Variants in EEF1AKMT2 observed in about 807,000 individuals in gnomAD.
The protein encoded by EEF1AKMT2 is EEF1A lysine methyltransferase 2, also known as eukaryotic translation elongation factor 1 alpha lysine methyltransferase 2.
In EEF1AKMT2, 32 loss-of-function variants were observed where a neutral mutation model predicts 35.8. The observed-to-expected ratio is 0.89, with a 90% CI of 0.67 to 1.20. EEF1AKMT2 has a LOEUF of 1.20. EEF1AKMT2 is among the 50% of genes most tolerant of loss of function. The pLI is 0.00. For missense variants in EEF1AKMT2, 330 were observed against 347.5 expected (o/e 0.95, Z 0.40); for synonymous variants, 121 against 133.7 (o/e 0.91, Z 0.65).
intron 3 of EEF1AKMT2, among the ~76,000 whole-genome samples, chr10:124,785,360 C>T (rs1950576043): frequency 6.7e-6 from 1 of 149,042 alleles, no homozygotes; most frequent in South Asian, 2.1e-4. Context: ...TTTAATACTA[C>T]AACAAAAGCA....
At chr10:124,791,597 C>T in intron 1 of EEF1AKMT2, 127 bp downstream of exon 1, 1 of 1,368,044 alleles carries the variant, frequency 7.3e-7, no homozygotes, top group East Asian at 2.5e-5. Context: ...CGCCAGGTGG[C>T]CCTGCTCCCG....
At chr10:124,780,193 A>C (rs1950528457) in intron 3 of EEF1AKMT2, among the ~76,000 whole-genome samples, 1 of 152,210 alleles carries the variant, frequency 6.6e-6, no homozygotes, top group African/African-American at 2.4e-5. Context: ...CAAATGAATA[A>C]ATGTGGCTGT....
intron 4 of EEF1AKMT2, among the ~76,000 whole-genome samples, chr10:124,773,648 A>G (rs1950458958): frequency 6.6e-6 from 1 of 152,214 alleles, no homozygotes; most frequent in African/African-American, 2.4e-5. Flanking sequence ...CAGACAGAAC[A>G]TACATTTATC....
chr10:124,769,946 C>CAAAAA lies in EEF1AKMT2; in HGVS notation c.400-4343_400-4339dup, dbSNP rs71484588. Among the ~76,000 whole-genome samples the CAAAAA allele has an allele frequency of 1.8e-3, 110 of 60,002 alleles. 2 individuals are homozygous for CAAAAA. Among genetic ancestry groups the CAAAAA allele is most frequent in the East Asian group, 2.6e-3 (5 of 1,914 alleles). 39.4% of individuals were successfully genotyped at this position (60,002 alleles called of 152,430 possible). On this transcript the variant is annotated intron_variant, in intron 4 of 6. Transcript: ENST00000368836. Reference sequence around the variant, plus strand: ...GGGCAACAAGAGCGAAACTCCATCTCAAAAAAAAAAAAAAAAAAAAAAAAA... The same window carrying CAAAAA: ...GGGCAACAAGAGCGAAACTCCATCTCAAAAAAAAAAAAAAAAAAAAAAAAAAAAAA...
In EEF1AKMT2 at chr10:124,774,728, G is replaced by C; in HGVS notation, c.346C>G (p.Gln116Glu). The C allele has an allele frequency of 6.7e-7, 1 of 1,484,844 alleles. No individual in the cohort carries two copies. Among genetic ancestry groups the C allele is most frequent in the Admixed American group, 2.5e-5 (1 of 40,146 alleles). The allele number at this position is 1,484,844 out of a possible 1,614,324, so 92.0% of individuals were successfully genotyped here. ...TTTTCTATAATACTTCCAGAAAGCT[G>C]AATTGCAGAAGGAGAGTAATCAATT... ...TGIDYSPSAI[Q>E]LSGSIIEKEG... Residue 116 changes from glutamine to glutamate, a missense_variant, in exon 4 of 7, where the codon CAG becomes GAG. Gln to Glu is a conservative substitution (Grantham distance 29). Transcript: ENST00000368836.
intron 4 of EEF1AKMT2, among the ~76,000 whole-genome samples, chr10:124,769,248 A>ATATATATATATATATATATATATATGTG (rs60863408): frequency 1.6e-5 from 1 of 63,820 alleles, no homozygotes; most frequent in East Asian, 5.3e-4. Flanking sequence ...ATATATATAT[A>ATATATATATATATATATATATATATGTG]TGTGTGTATA....
chr10:124,769,347 A>G (rs1301159025), intron 4 of EEF1AKMT2, among the ~76,000 whole-genome samples: 1 of 151,322 alleles, frequency 6.6e-6, no homozygotes, highest in Non-Finnish European at 1.5e-5. Context: ...GCAACAGGGT[A>G]AATGGGAGTG....
chr10:124,780,930 G>A (rs954718104), intron 3 of EEF1AKMT2, among the ~76,000 whole-genome samples: 1 of 151,802 alleles, frequency 6.6e-6, no homozygotes, highest in African/African-American at 2.4e-5. Context: ...AGAAAACATG[G>A]AAGTCAAAAA....
rs1326195443 is a variant in EEF1AKMT2 at position 124,772,487 on chromosome 10, T to C, written c.399+2188A>G. Among the ~76,000 whole-genome samples, 8 of 142,192 alleles carry C rather than the reference T, an allele frequency of 5.6e-5. No homozygotes were observed. In the East Asian group the frequency reaches 1.1e-3, roughly 19 times the overall value. 93.3% of individuals were successfully genotyped at this position (142,192 alleles called of 152,430 possible). A position where few individuals can be genotyped will look rare whatever the true frequency, so the allele number is the denominator to read the frequency against. The stretch of plus-strand genomic sequence containing the variant: ...TCTGTTGCCCAGGCTGGAGTGCAGT[T>C]GCGCGATCTTGGCTCACTGCAACCT... On this transcript the variant is annotated intron_variant, in intron 4 of 6. Transcript: ENST00000368836.
intron 5 of EEF1AKMT2, 79 bp from the exon 6 acceptor site, chr10:124,762,637 C>T: frequency 1.3e-6 from 1 of 757,748 alleles, no homozygotes. Flanking sequence ...GTCTATCATA[C>T]TATTTCATTA....
chr10:124,764,525 A>G (rs2134121092), intron 5 of EEF1AKMT2, among the ~76,000 whole-genome samples: 1 of 152,346 alleles, frequency 6.6e-6, no homozygotes, highest in South Asian at 2.1e-4. Context: ...TCCACTAAGT[A>G]GATACTGCAC....
At chr10:124,767,731 A>T (rs1442860434) in intron 4 of EEF1AKMT2, among the ~76,000 whole-genome samples, 1 of 152,104 alleles carries the variant, frequency 6.6e-6, no homozygotes, top group East Asian at 1.9e-4. Flanking sequence ...CACACCTATA[A>T]TCCCAACACT....
intron 3 of EEF1AKMT2, among the ~76,000 whole-genome samples, chr10:124,781,388 G>A (rs1424396218): frequency 6.6e-5 from 10 of 151,636 alleles, no homozygotes; most frequent in Non-Finnish European, 4.4e-5. Flanking sequence ...AGACCAGCCC[G>A]GCCAACATGG....
intron 4 of EEF1AKMT2, among the ~76,000 whole-genome samples, chr10:124,767,381 CAT>C: frequency 6.7e-6 from 1 of 149,790 alleles, no homozygotes; most frequent in East Asian, 2.0e-4. Context: ...GGCGTGGTGG[CAT>C]GTGCCTGTAG....
chr10:124,784,431 G>A (rs917025036), intron 3 of EEF1AKMT2, among the ~76,000 whole-genome samples: 1 of 152,106 alleles, frequency 6.6e-6, no homozygotes, highest in African/African-American at 2.4e-5. Flanking sequence ...CAAGTGAGGT[G>A]TAGAACAATT....
rs561831302 is a variant in EEF1AKMT2 at position 124,758,093 on chromosome 10, A to C, written c.*2410T>G. 6.6e-6 allele frequency: 1 copy of C among 152,326 alleles called. No homozygotes were observed. Among genetic ancestry groups the C allele is most frequent in the Admixed American group, 6.5e-5 (1 of 15,298 alleles). 9.4% of individuals were successfully genotyped at this position (152,326 alleles called of 1,614,324 possible). ...ATAGTGAAAAGCAGCAATTCCGTGAAGGCTCCACAGAGAAATCGCGTTTGC... is the reference window on the plus strand; with the variant it reads ...ATAGTGAAAAGCAGCAATTCCGTGACGGCTCCACAGAGAAATCGCGTTTGC... On this transcript the variant is annotated 3_prime_UTR_variant, in exon 7 of 7. Transcript: ENST00000368836.
At chr10:124,779,938 A>G (rs1439558827) in intron 3 of EEF1AKMT2, among the ~76,000 whole-genome samples, 1 of 149,714 alleles carries the variant, frequency 6.7e-6, no homozygotes, top group African/African-American at 2.5e-5. Flanking sequence ...TGGCGGGCAC[A>G]TGTAGTCCCA....
At chr10:124,772,509 AC>A (rs1203057593) in intron 4 of EEF1AKMT2, among the ~76,000 whole-genome samples, 1 of 135,222 alleles carries the variant, frequency 7.4e-6, no homozygotes, top group African/African-American at 2.8e-5. Context: ...GCTCACTGCA[AC>A]CTCTGCTTCC....
chr10:124,784,595 T>C lies in EEF1AKMT2; in HGVS notation c.291+4448A>G, dbSNP rs541213832. 2.1e-5 allele frequency among the ~76,000 whole-genome samples: 3 copies of C among 141,378 alleles called. No individual in the cohort carries two copies. In the East Asian group the frequency reaches 6.2e-4, roughly 29 times the overall value. 92.7% of individuals were successfully genotyped at this position (141,378 alleles called of 152,430 possible). A position where few individuals can be genotyped will look rare whatever the true frequency, so the allele number is the denominator to read the frequency against. The stretch of plus-strand genomic sequence containing the variant: ...AAGTAAAAAAAGGAACAAAGTAAAA[T>C]CAGGAAGAAAAAAAAAAAGAACAGA... On this transcript the variant is annotated intron_variant, in intron 3 of 6. Coordinates refer to ENST00000368836, the MANE Select transcript of EEF1AKMT2 (RefSeq NM_212554.4).
Sources: gnomAD v4.1 joint callset for allele counts (sites outside exome capture counted in the v4.1 genomes callset) on GRCh38, gnomAD v4.1.1 for gene constraint, MANE v1.5 for transcripts, NCBI Gene and HGNC (gene_info 2026-07-23, HGNC 2026-07-21) for gene names.